Variants in JAZF1 observed in about 807,000 individuals in gnomAD.
JAZF1 encodes the protein JAZF zinc finger 1.
In JAZF1, 8 loss-of-function variants were observed where a neutral mutation model predicts 26.4. That is an observed-to-expected ratio of 0.30 (90% confidence interval 0.18 to 0.55). JAZF1 has a LOEUF of 0.55. JAZF1 is among the 20% of genes least tolerant of loss of function. The pLI is 0.94. For synonymous variants in JAZF1, 126 were observed against 122.3 expected (o/e 1.03, Z -0.20); for missense variants, 199 against 322.0 (o/e 0.62, Z 2.92).
chr7:27,908,037 T>A (rs934362002), intron 2 of JAZF1, among the ~76,000 whole-genome samples: 3 of 152,214 alleles, frequency 2.0e-5, no homozygotes, highest in Non-Finnish European at 2.9e-5. Context: ...GTACATACTT[T>A]ATCCCTTCTC....
At chr7:28,168,601 C>T (rs79189218) in intron 1 of JAZF1, among the ~76,000 whole-genome samples, 1 of 152,126 alleles carries the variant, frequency 6.6e-6, no homozygotes, top group African/African-American at 2.4e-5. Flanking sequence ...TTACTTCCCT[C>T]ATATGCTGTG....
intron 2 of JAZF1, among the ~76,000 whole-genome samples, chr7:27,956,080 G>A (rs546280938): frequency 6.6e-6 from 1 of 152,290 alleles, no homozygotes; most frequent in African/African-American, 2.4e-5. Flanking sequence ...GGTGGGATGA[G>A]GTAGCAGAGA....
At chr7:27,892,727 A>G (rs1783992739) in intron 3 of JAZF1, among the ~76,000 whole-genome samples, 1 of 152,244 alleles carries the variant, frequency 6.6e-6, no homozygotes, top group Non-Finnish European at 1.5e-5. Flanking sequence ...AATAAAATAT[A>G]AGGGAAACAT....
rs186782040 is a variant in JAZF1 at position 27,832,950 on chromosome 7, A to C, written c.582T>G (p.Ala194=). 275 of 1,602,838 alleles carry C rather than the reference A, an allele frequency of 1.7e-4. 1 individual carries two copies. In the East Asian group the frequency reaches 4.7e-3, roughly 27 times the overall value. ...GAATCTGTGTTCTGTGACCATTCTT[A>C]GCGTGATACTTTATGCCATTCACAT... ...YKNVNGIKYH[A]KNGHRTQIRV... is the part of the protein sequence containing the mutation. The change falls in exon 5 of 5, where the codon GCT becomes GCG. Residue 194 remains alanine, a synonymous_variant. Transcript: ENST00000283928.
intron 1 of JAZF1, among the ~76,000 whole-genome samples, chr7:28,077,578 CA>C (rs11393261): frequency 1.3e-5 from 2 of 150,952 alleles, no homozygotes; most frequent in East Asian, 1.9e-4. Flanking sequence ...ACCTTAACTA[CA>C]AAAAAAAGTG....
intron 2 of JAZF1, among the ~76,000 whole-genome samples, chr7:27,900,522 G>A (rs946849205): frequency 6.6e-6 from 1 of 152,130 alleles, no homozygotes; most frequent in South Asian, 2.1e-4. Context: ...TTACACCACA[G>A]AAACTGGCAA....
intron 1 of JAZF1, among the ~76,000 whole-genome samples, chr7:28,097,538 A>G (rs193288400): frequency 6.6e-6 from 1 of 152,362 alleles, no homozygotes; most frequent in Admixed American, 6.5e-5. Context: ...ACATTGATAC[A>G]ATAGAACAAC....
intron 1 of JAZF1, among the ~76,000 whole-genome samples, chr7:28,044,062 C>T (rs6953584): frequency 0.87 from 133,092 of 152,160 alleles, 59,014 homozygotes; most frequent in African/African-American, 0.97. Context: ...TATACAGTGC[C>T]GATGGTTGTA....
intron 1 of JAZF1, among the ~76,000 whole-genome samples, chr7:28,075,900 A>G (rs1489828842): frequency 1.4e-4 from 21 of 152,268 alleles, no homozygotes; most frequent in Admixed American, 1.4e-3. Flanking sequence ...TAATGACATC[A>G]TAATGGGAGA....
intron 2 of JAZF1, among the ~76,000 whole-genome samples, chr7:27,955,792 C>T (rs1420669108): frequency 6.6e-6 from 1 of 152,186 alleles, no homozygotes; most frequent in Non-Finnish European, 1.5e-5. Context: ...TAATGAAGCA[C>T]TCCCTAAAGG....
At chr7:28,129,238 A>G (rs1583576059) in intron 1 of JAZF1, among the ~76,000 whole-genome samples, 1 of 152,108 alleles carries the variant, frequency 6.6e-6, no homozygotes, top group East Asian at 1.9e-4. Context: ...AACAAAATGG[A>G]TATTATGCAG....
chr7:27,933,387 A>G (rs939777343), intron 2 of JAZF1, among the ~76,000 whole-genome samples: 1 of 152,234 alleles, frequency 6.6e-6, no homozygotes, highest in Non-Finnish European at 1.5e-5. Flanking sequence ...CTAGAAAATG[A>G]GCAGAGCTGC....
At chr7:27,972,862 C>CATATACATATACGTATATATCT (rs1785398956) in intron 2 of JAZF1, among the ~76,000 whole-genome samples, 2 of 151,492 alleles carry the variant, frequency 1.3e-5, no homozygotes, top group African/African-American at 2.4e-5. Flanking sequence ...TATACACACA[C>CATATACATATACGTATATATCT]ATATACATAT....
intron 1 of JAZF1, among the ~76,000 whole-genome samples, chr7:28,028,213 T>C (rs887188389): frequency 1.6e-4 from 24 of 152,316 alleles, no homozygotes; most frequent in South Asian, 2.1e-4. Context: ...CCTCCCTTTC[T>C]TGACCTCTGG....
At chr7:27,994,980 A>G (rs1327734861) in intron 1 of JAZF1, among the ~76,000 whole-genome samples, 2 of 152,204 alleles carry the variant, frequency 1.3e-5, no homozygotes, top group African/African-American at 4.8e-5. Flanking sequence ...AGATCCCCAC[A>G]TCCTGCACAA....
At chr7:27,845,711 A>AAGAAAG (rs57559915) in intron 3 of JAZF1, among the ~76,000 whole-genome samples, 36,279 of 137,422 alleles carry the variant, frequency 0.26, 5,675 homozygotes, top group East Asian at 0.57. Flanking sequence ...AAAAAAAAAA[A>AAGAAAG]AAAGAAAAGA....
intron 3 of JAZF1, among the ~76,000 whole-genome samples, chr7:27,891,428 T>C (rs1023775457): frequency 1.3e-5 from 2 of 152,316 alleles, no homozygotes; most frequent in South Asian, 2.1e-4. Context: ...ATTTAAACTA[T>C]TCTAAGCTTT....
chr7:27,998,756 G>A (rs740127), intron 1 of JAZF1, among the ~76,000 whole-genome samples: 50,787 of 151,900 alleles, frequency 0.33, 9,375 homozygotes, highest in Non-Finnish European at 0.43. Flanking sequence ...TTTGTAGCCT[G>A]AGTTTTCCTG....
chr7:28,004,843 G>C, intron 1 of JAZF1, among the ~76,000 whole-genome samples: 1 of 152,040 alleles, frequency 6.6e-6, no homozygotes, highest in East Asian at 1.9e-4. Context: ...AGTAGAGATG[G>C]GGTTTCGCCA....
Sources: allele counts gnomAD v4.1 joint callset (sites outside exome capture counted in the v4.1 genomes callset), GRCh38; gene constraint gnomAD v4.1.1; transcripts MANE v1.5; gene names NCBI Gene and HGNC (gene_info 2026-07-23, HGNC 2026-07-21).